FRMD4A: variants seen among roughly 807,000 people sequenced by gnomAD.
FRMD4A encodes FERM domain-containing protein 4A.
Under a neutral mutation model 129.1 loss-of-function variants are expected in FRMD4A, and 29 were observed. The ratio of observed to expected loss-of-function variants is 0.22; its 90% CI spans 0.17 to 0.31. The LOEUF (loss-of-function observed/expected upper bound fraction) is 0.31. FRMD4A is among the 10% of genes least tolerant of loss of function. FRMD4A has a pLI of 1.00. For synonymous variants in FRMD4A, 634 were observed against 571.6 expected (o/e 1.11, Z -1.56); for missense variants, 1,272 against 1,375.8 (o/e 0.92, Z 1.19).
chr10:14,242,670 G>A (rs1226721679), intron 2 of FRMD4A, among the ~76,000 whole-genome samples: 1 of 152,156 alleles, frequency 6.6e-6, no homozygotes, highest in African/African-American at 2.4e-5. Context: ...CACGATAGAT[G>A]GAACACAAGA....
At chr10:13,743,512 C>T (rs1323916268) in intron 9 of FRMD4A, among the ~76,000 whole-genome samples, 2 of 152,092 alleles carry the variant, frequency 1.3e-5, no homozygotes, top group Non-Finnish European at 2.9e-5. Context: ...GTCAACATAG[C>T]ACTGTAGCCA....
intron 2 of FRMD4A, among the ~76,000 whole-genome samples, chr10:14,127,173 A>G (rs1056021595): frequency 6.6e-6 from 1 of 152,160 alleles, no homozygotes; most frequent in Non-Finnish European, 1.5e-5. Flanking sequence ...CTGAACTGAA[A>G]TCAGGGAGGA....
intron 2 of FRMD4A, among the ~76,000 whole-genome samples, chr10:14,257,866 A>C (rs1462851452): frequency 2.0e-5 from 3 of 152,226 alleles, no homozygotes; most frequent in Non-Finnish European, 4.4e-5. Flanking sequence ...CAGAACTGTA[A>C]GAAAACAACT....
At chr10:14,058,266 T>A (rs576315995) in intron 2 of FRMD4A, among the ~76,000 whole-genome samples, 175 of 152,338 alleles carry the variant, frequency 1.1e-3, no homozygotes, top group African/African-American at 3.8e-3. Context: ...TTAGGGTCAA[T>A]CTGAAGTTTG....
At chr10:13,806,683 T>G (rs1436475555) in intron 4 of FRMD4A, among the ~76,000 whole-genome samples, 1 of 152,216 alleles carries the variant, frequency 6.6e-6, no homozygotes, top group Non-Finnish European at 1.5e-5. Context: ...GAAGCTGAGG[T>G]CACACCCAAG....
At position 14,241,683 on chromosome 10, in the gene FRMD4A, T is replaced by TAA. The variant is rs71388168; in HGVS notation, c.45+88373_45+88374dup. On this transcript the variant is annotated intron_variant, in intron 2 of 24. Coordinates refer to ENST00000357447, the MANE Select transcript of FRMD4A (RefSeq NM_018027.5). ...GGAGAGGGATTTGTTTTACCCTCCC[T>TAA]AAAAAAAAAAAAAAAAAAAAAAAAA... Among the ~76,000 whole-genome samples the TAA allele has an allele frequency of 3.8e-4, 9 of 23,414 alleles. 1 individual carries two copies. The highest frequency in any genetic ancestry group is 7.0e-4 in the Admixed American group (1 of 1,426). 15.4% of individuals were successfully genotyped at this position (23,414 alleles called of 152,430 possible). A position where few individuals can be genotyped will look rare whatever the true frequency, so the allele number is the denominator to read the frequency against.
intron 2 of FRMD4A, among the ~76,000 whole-genome samples, chr10:14,186,168 G>C (rs1476130311): frequency 6.6e-6 from 1 of 151,838 alleles, no homozygotes; most frequent in Non-Finnish European, 1.5e-5. Flanking sequence ...AAAAAGACTG[G>C]CCAAAATGCT....
At chr10:14,144,898 T>C (rs985233085) in intron 2 of FRMD4A, among the ~76,000 whole-genome samples, 1 of 152,034 alleles carries the variant, frequency 6.6e-6, no homozygotes, top group Non-Finnish European at 1.5e-5. Context: ...CAGCAAGGAT[T>C]GGATTTAGGC....
chr10:14,026,851 A>T (rs1833006719), intron 2 of FRMD4A, among the ~76,000 whole-genome samples: 1 of 152,204 alleles, frequency 6.6e-6, no homozygotes, highest in Non-Finnish European at 1.5e-5. Context: ...TCATAAGGAG[A>T]CTAGGGGGAG....
chr10:14,058,725 T>A (rs1355052361), intron 2 of FRMD4A, among the ~76,000 whole-genome samples: 1 of 152,152 alleles, frequency 6.6e-6, no homozygotes, highest in Non-Finnish European at 1.5e-5. Flanking sequence ...TGAGGTTACA[T>A]GAGGCCCTTT....
Position 14,311,537 on chromosome 10 carries a change from C to T in FRMD4A, c.45+18521G>A, listed in dbSNP as rs191507938. 4.0e-3 allele frequency among the ~76,000 whole-genome samples: 605 copies of T among 151,914 alleles called. 4 individuals are homozygous for T. The highest frequency in any genetic ancestry group is 0.014 in the African/African-American group (571 of 41,386). The stretch of plus-strand genomic sequence containing the variant: ...TATTTCTTATATTTTTCCTACCAAG[C>T]GTGGCCTTCTGCTACATGGTACCCC... On this transcript the variant is annotated intron_variant, in intron 2 of 24. Coordinates refer to ENST00000357447, the MANE Select transcript of FRMD4A (RefSeq NM_018027.5).
intron 2 of FRMD4A, among the ~76,000 whole-genome samples, chr10:13,887,787 G>C (rs759983706): frequency 9.2e-5 from 14 of 152,304 alleles, no homozygotes; most frequent in Admixed American, 4.6e-4. Flanking sequence ...TTCTGTAAAC[G>C]TAAGAGAGGA....
intron 21 of FRMD4A, among the ~76,000 whole-genome samples, chr10:13,657,925 G>C (rs2082312259): frequency 6.6e-6 from 1 of 151,530 alleles, no homozygotes; most frequent in South Asian, 2.1e-4. Context: ...AGAATTGCTT[G>C]AGCCTGGGAA....
At chr10:13,724,826 A>G (rs2089765859) in intron 12 of FRMD4A, among the ~76,000 whole-genome samples, 2 of 152,178 alleles carry the variant, frequency 1.3e-5, no homozygotes, top group Admixed American at 6.5e-5. Context: ...AGGGGCAGGG[A>G]GAACAGCAGG....
intron 13 of FRMD4A, among the ~76,000 whole-genome samples, 172 bp downstream of exon 13, chr10:13,706,865 T>G (rs950717421): frequency 6.6e-6 from 1 of 151,844 alleles, no homozygotes; most frequent in African/African-American, 2.4e-5. Context: ...TATCAACACA[T>G]GTAATTGAAA....
intron 3 of FRMD4A, among the ~76,000 whole-genome samples, chr10:13,834,108 A>G (rs1298584528): frequency 6.6e-6 from 1 of 152,158 alleles, no homozygotes; most frequent in Non-Finnish European, 1.5e-5. Context: ...TACTAAAAAT[A>G]TAAAAATTAG....
intron 2 of FRMD4A, among the ~76,000 whole-genome samples, chr10:14,225,249 G>A (rs1242161195): frequency 2.0e-5 from 3 of 152,164 alleles, no homozygotes; most frequent in Admixed American, 6.5e-5. Context: ...TAAATGAGAA[G>A]TATGGTGAAA....
intron 12 of FRMD4A, chr10:13,710,591 T>G (rs957532469): frequency 5.3e-5 from 8 of 152,280 alleles, no homozygotes; most frequent in African/African-American, 1.9e-4. Flanking sequence ...GAACAATGGA[T>G]TCCCCCTGAT....
At chr10:13,688,345 G>A (rs2085300770) in intron 15 of FRMD4A, among the ~76,000 whole-genome samples, 1 of 152,034 alleles carries the variant, frequency 6.6e-6, no homozygotes, top group African/African-American at 2.4e-5. Context: ...ATTGAAGAAT[G>A]AGAACACATG....
Sources: gnomAD v4.1 joint callset for allele counts (sites outside exome capture counted in the v4.1 genomes callset) on GRCh38, gnomAD v4.1.1 for gene constraint, MANE v1.5 for transcripts, NCBI Gene and HGNC (gene_info 2026-07-23, HGNC 2026-07-21) for gene names.